Variants in ERBB4 observed in about 807,000 individuals in gnomAD.
The protein encoded by ERBB4 is erb-b2 receptor tyrosine kinase 4, also known as receptor tyrosine-protein kinase erbB-4.
A neutral mutation model predicts 158.0 loss-of-function variants in ERBB4; 42 were observed. That is an observed-to-expected ratio of 0.27 (90% confidence interval 0.21 to 0.34). ERBB4 has a LOEUF of 0.34. Ranked by LOEUF, ERBB4 falls within the 10% of genes least tolerant of loss-of-function variation. The pLI is 1.00. For synonymous variants in ERBB4, 583 were observed against 558.7 expected (o/e 1.04, Z -0.61); for missense variants, 1,333 against 1,624.1 (o/e 0.82, Z 3.08).
chr2:211,503,947 A>G (rs2125596795), intron 20 of ERBB4, among the ~76,000 whole-genome samples: 1 of 152,240 alleles, frequency 6.6e-6, no homozygotes, highest in East Asian at 1.9e-4. Context: ...TGCTCTGCCC[A>G]TAACCTGGAA....
intron 12 of ERBB4, among the ~76,000 whole-genome samples, chr2:211,681,524 C>T (rs181489511): frequency 5.0e-4 from 76 of 152,320 alleles, no homozygotes; most frequent in African/African-American, 1.7e-3. Context: ...TCTTCACCAA[C>T]ACTGATGTGG....
chr2:211,639,975 G>A lies in ERBB4; in HGVS notation c.1947-9381C>T, dbSNP rs542169580. ...TGACCTCAGGTGATCTGCCCGCCTC[G>A]GCCTTCCAAAGTGCTGGGATTATAG... is the stretch of plus-strand genomic sequence containing the variant. On this transcript the variant is annotated intron_variant, in intron 16 of 27. Transcript: ENST00000342788. Among the ~76,000 whole-genome samples, 151 of 152,190 alleles carry A rather than the reference G, an allele frequency of 9.9e-4. 2 individuals are homozygous for A. The highest frequency in any genetic ancestry group is 3.4e-3 in the African/African-American group (141 of 41,526).
chr2:212,444,038 G>T (rs1375226756), intron 1 of ERBB4, among the ~76,000 whole-genome samples: 4 of 152,100 alleles, frequency 2.6e-5, no homozygotes, highest in Non-Finnish European at 5.9e-5. Flanking sequence ...GCTCAAGCAG[G>T]TCCTGAAGGC....
At chr2:212,193,254 T>C (rs2082327469) in intron 1 of ERBB4, among the ~76,000 whole-genome samples, 1 of 152,150 alleles carries the variant, frequency 6.6e-6, no homozygotes, top group African/African-American at 2.4e-5. Flanking sequence ...AACGGCTGAA[T>C]TGGCATTGCC....
chr2:212,168,216 A>T (rs973802763), intron 1 of ERBB4, among the ~76,000 whole-genome samples: 1 of 152,018 alleles, frequency 6.6e-6, no homozygotes, highest in Non-Finnish European at 1.5e-5. Context: ...TCCTTTTTGC[A>T]TTCCTAAATT....
At chr2:212,365,865 G>A (rs1165524188) in intron 1 of ERBB4, among the ~76,000 whole-genome samples, 1 of 151,826 alleles carries the variant, frequency 6.6e-6, no homozygotes, top group Non-Finnish European at 1.5e-5. Context: ...TTCTATTGAG[G>A]AAAACTGTCT....
intron 20 of ERBB4, among the ~76,000 whole-genome samples, chr2:211,549,125 A>C (rs924113098): frequency 1.3e-5 from 2 of 152,100 alleles, no homozygotes; most frequent in African/African-American, 4.8e-5. Flanking sequence ...TTCTGAATAA[A>C]TAGGAAAGTT....
intron 3 of ERBB4, among the ~76,000 whole-genome samples, chr2:211,895,891 C>A (rs1397967300): frequency 6.6e-6 from 1 of 152,116 alleles, no homozygotes; most frequent in Non-Finnish European, 1.5e-5. Flanking sequence ...GTGTCGTCAT[C>A]TCTGATTTCT....
chr2:212,128,243 G>T (rs996440432), intron 1 of ERBB4, among the ~76,000 whole-genome samples: 3 of 152,020 alleles, frequency 2.0e-5, no homozygotes, highest in Non-Finnish European at 2.9e-5. Context: ...CATTGTAATA[G>T]ACTGCACAAT....
At chr2:212,084,301 G>A (rs1337854503) in intron 2 of ERBB4, among the ~76,000 whole-genome samples, 1 of 151,992 alleles carries the variant, frequency 6.6e-6, no homozygotes, top group African/African-American at 2.4e-5. Flanking sequence ...ATCCACTTAT[G>A]AGAATGAATT....
chr2:211,944,156 T>A (rs2080590405), intron 3 of ERBB4, among the ~76,000 whole-genome samples: 1 of 122,382 alleles, frequency 8.2e-6, no homozygotes, highest in Non-Finnish European at 1.7e-5. Context: ...ATACACTATA[T>A]ATATACACTA....
chr2:211,506,646 T>G (rs1350712600), intron 20 of ERBB4, among the ~76,000 whole-genome samples: 1 of 151,974 alleles, frequency 6.6e-6, no homozygotes, highest in African/African-American at 2.4e-5. Context: ...ACAACTTATT[T>G]CTGAATGACT....
At chr2:211,947,741 C>A in intron 2 of ERBB4, 125 bp from the exon 3 acceptor site, 1 of 758,922 alleles carries the variant, frequency 1.3e-6, no homozygotes, top group South Asian at 1.6e-5. Flanking sequence ...CATTATTTTC[C>A]ATATCATATT....
intron 1 of ERBB4, among the ~76,000 whole-genome samples, chr2:212,522,234 A>T (rs1366501383): frequency 6.6e-6 from 1 of 151,978 alleles, no homozygotes; most frequent in Non-Finnish European, 1.5e-5. Context: ...TGTTTGTAAA[A>T]TAAGGATGGT....
At chr2:211,823,683 C>T (rs1431965103) in intron 3 of ERBB4, among the ~76,000 whole-genome samples, 1 of 151,942 alleles carries the variant, frequency 6.6e-6, no homozygotes, top group South Asian at 2.1e-4. Flanking sequence ...ACTGCATTAT[C>T]AAAGTATATT....
intron 2 of ERBB4, among the ~76,000 whole-genome samples, chr2:212,014,917 G>A (rs1402836592): frequency 1.3e-5 from 2 of 150,204 alleles, no homozygotes; most frequent in African/African-American, 4.9e-5. Context: ...CTTCAGCCAG[G>A]CGCAGTGGCT....
intron 1 of ERBB4, among the ~76,000 whole-genome samples, chr2:212,490,553 A>T (rs1690219487): frequency 6.6e-6 from 1 of 151,808 alleles, no homozygotes; most frequent in African/African-American, 2.4e-5. Flanking sequence ...TGACAGTTTG[A>T]GAAAGTGTTT....
At chr2:212,307,205 G>T (rs2086841900) in intron 1 of ERBB4, among the ~76,000 whole-genome samples, 1 of 151,092 alleles carries the variant, frequency 6.6e-6, no homozygotes, top group East Asian at 2.0e-4. Flanking sequence ...AACTGGATCA[G>T]ATGACCTTTC....
intron 1 of ERBB4, among the ~76,000 whole-genome samples, chr2:212,248,325 G>GA (rs1490946773): frequency 6.6e-6 from 1 of 152,054 alleles, no homozygotes; most frequent in African/African-American, 2.4e-5. Flanking sequence ...CACCTAATAT[G>GA]CCTTTTCCTT....
Sources: gnomAD v4.1 joint callset for allele counts (sites outside exome capture counted in the v4.1 genomes callset) on GRCh38, gnomAD v4.1.1 for gene constraint, MANE v1.5 for transcripts, NCBI Gene and HGNC (gene_info 2026-07-23, HGNC 2026-07-21) for gene names.